PCBP3: variants seen among roughly 807,000 people sequenced by gnomAD.
PCBP3 encodes poly(rC) binding protein 3, also known as poly(rC)-binding protein 3.
PCBP3 carries 25 observed loss-of-function variants against 52.7 expected under a neutral mutation model. The observed-to-expected ratio is 0.47, with a 90% confidence interval of 0.35 to 0.66. PCBP3 has a LOEUF of 0.66. PCBP3 is among the 30% of genes least tolerant of loss of function. PCBP3 has a pLI of 0.01. For synonymous variants in PCBP3, 162 were observed against 183.0 expected (o/e 0.89, Z 0.93); for missense variants, 391 against 490.3 (o/e 0.80, Z 1.91).
At chr21:45,860,717 G>A (rs551677149) in intron 5 of PCBP3, among the ~76,000 whole-genome samples, 2 of 152,334 alleles carry the variant, frequency 1.3e-5, no homozygotes, top group Admixed American at 6.5e-5. Context: ...TGCAGACTGC[G>A]GGGGAGATGG....
intron 1 of PCBP3, among the ~76,000 whole-genome samples, chr21:45,662,900 A>G (rs1402706941): frequency 6.6e-6 from 1 of 152,056 alleles, no homozygotes; most frequent in Non-Finnish European, 1.5e-5. Context: ...CAGACTGGGA[A>G]AGGGAGTCTC....
intron 16 of PCBP3, among the ~76,000 whole-genome samples, chr21:45,939,255 C>T (rs142902421): frequency 4.6e-5 from 7 of 152,320 alleles, no homozygotes; most frequent in East Asian, 1.9e-4. Context: ...GAAGGGACTC[C>T]GTTCCATCCA....
At chr21:45,895,020 A>AGGTGTAGACAGCGTAAGCGCG (rs1333458531) in intron 5 of PCBP3, among the ~76,000 whole-genome samples, 2 of 152,244 alleles carry the variant, frequency 1.3e-5, no homozygotes, top group South Asian at 4.1e-4. Context: ...TTTTAAGCAC[A>AGGTGTAGACAGCGTAAGCGCG]GGTGTAGACA....
chr21:45,849,269 A>G (rs533570457), intron 4 of PCBP3, among the ~76,000 whole-genome samples: 4 of 147,944 alleles, frequency 2.7e-5, no homozygotes, highest in African/African-American at 7.5e-5. Context: ...GCAGTGGCGC[A>G]ATCTCAGCTC....
rs540951171 is a variant in PCBP3, at chr21:45,839,831, C to T, written c.-125-10130C>T. Among the ~76,000 whole-genome samples the T allele has an allele frequency of 1.4e-3, 216 of 152,042 alleles. 1 individual carries two copies. The highest frequency in any genetic ancestry group is 6.8e-3 in the Middle Eastern group (2 of 294). On this transcript the variant is annotated intron_variant, in intron 4 of 17. Transcript: ENST00000681687. ...CCTCCCGAGTAGCTGGGATTGCAGGCGCCCGCCACCACACCTGGCTAATTT... is the reference window on the plus strand; with the variant it reads ...CCTCCCGAGTAGCTGGGATTGCAGGTGCCCGCCACCACACCTGGCTAATTT...
chr21:45,834,439 G>A (rs1373038573), intron 4 of PCBP3, among the ~76,000 whole-genome samples: 3 of 152,232 alleles, frequency 2.0e-5, no homozygotes, highest in African/African-American at 7.2e-5. Flanking sequence ...ACTGTCTAGG[G>A]GTGGCGTCCC....
intron 4 of PCBP3, among the ~76,000 whole-genome samples, chr21:45,810,816 GACA>G (rs1188183622): frequency 3.9e-5 from 6 of 152,122 alleles, no homozygotes; most frequent in Non-Finnish European, 8.8e-5. Flanking sequence ...GAAGGTATTT[GACA>G]ACAACTTTCA....
At chr21:45,885,667 G>A (rs1308744250) in intron 5 of PCBP3, among the ~76,000 whole-genome samples, 1 of 152,024 alleles carries the variant, frequency 6.6e-6, no homozygotes, top group East Asian at 1.9e-4. Flanking sequence ...CTTTCACTCT[G>A]TTATGGTTCT....
chr21:45,672,044 T>C (rs2081204592), intron 2 of PCBP3, among the ~76,000 whole-genome samples: 1 of 152,152 alleles, frequency 6.6e-6, no homozygotes, highest in African/African-American at 2.4e-5. Context: ...TGTGATTGGA[T>C]CTTGAGGGCT....
intron 1 of PCBP3, among the ~76,000 whole-genome samples, chr21:45,657,514 T>C (rs2080095432): frequency 6.6e-6 from 1 of 152,214 alleles, no homozygotes; most frequent in South Asian, 2.1e-4. Context: ...TATATGTCTC[T>C]CTCTATGCCA....
chr21:45,778,430 C>T (rs2090408325), intron 4 of PCBP3, among the ~76,000 whole-genome samples: 1 of 152,192 alleles, frequency 6.6e-6, no homozygotes, highest in African/African-American at 2.4e-5. Flanking sequence ...CTGGTAATAG[C>T]AGCAGTGGAC....
chr21:45,892,878 A>C (rs2095712685), intron 5 of PCBP3, among the ~76,000 whole-genome samples: 1 of 151,844 alleles, frequency 6.6e-6, no homozygotes, highest in Non-Finnish European at 1.5e-5. Flanking sequence ...GACCCTCTCT[A>C]CTTCCATGGC....
chr21:45,697,172 A>G (rs1390950838), intron 2 of PCBP3, among the ~76,000 whole-genome samples: 2 of 152,266 alleles, frequency 1.3e-5, no homozygotes, highest in Non-Finnish European at 2.9e-5. Flanking sequence ...TATGTTGGCC[A>G]AATGATATCT....
rs2839008 is a variant in PCBP3, at chr21:45,821,969, C to A, written c.-125-27992C>A. Among the ~76,000 whole-genome samples, 131,681 of 152,198 alleles carry A rather than the reference C, an allele frequency of 0.87. 56,966 individuals carry two copies. Among genetic ancestry groups the A allele is most frequent in the South Asian group, 0.91 (4,409 of 4,824 alleles). ...TACCTTCTCTTTCCTGACAACTTAG[C>A]TATTTATCAGACCCCAAAATCATGA... is the stretch of plus-strand genomic sequence containing the variant. On this transcript the variant is annotated intron_variant, in intron 4 of 17. Coordinates refer to ENST00000681687, the MANE Select transcript of PCBP3 (RefSeq NM_001384156.1). This position sits in a 1 kb window ranked among gnomAD's most constrained non-coding sequence, Gnocchi z 4.4.
Position 45,887,096 on chromosome 21 carries a change from C to A in PCBP3, c.11-9112C>A, listed in dbSNP as rs186301408. Reference sequence around the variant, plus strand: ...TTCTTGTCTGTGCCTGTTGGCATTTCCGGCTTGCCAGCTTTTCCACTTCCA... The same window carrying A: ...TTCTTGTCTGTGCCTGTTGGCATTTACGGCTTGCCAGCTTTTCCACTTCCA... On this transcript the variant is annotated intron_variant, in intron 5 of 17. Coordinates refer to ENST00000681687, the MANE Select transcript of PCBP3 (RefSeq NM_001384156.1). 2.5e-3 allele frequency among the ~76,000 whole-genome samples: 375 copies of A among 152,308 alleles called. 2 individuals are homozygous for A. Among genetic ancestry groups the A allele is most frequent in the African/African-American group, 8.7e-3 (363 of 41,550 alleles).
intron 4 of PCBP3, among the ~76,000 whole-genome samples, chr21:45,799,756 G>T (rs956882796): frequency 2.6e-5 from 4 of 152,186 alleles, no homozygotes; most frequent in Admixed American, 6.5e-5. Context: ...TGGGGTGCTG[G>T]GAACTGGGCT....
At chr21:45,680,452 A>T (rs548365821) in intron 2 of PCBP3, among the ~76,000 whole-genome samples, 1 of 152,298 alleles carries the variant, frequency 6.6e-6, no homozygotes, top group South Asian at 2.1e-4. Context: ...TTTACACCTA[A>T]GTGTGTGTTT....
chr21:45,644,107 C>A (rs993025451), intron 1 of PCBP3, among the ~76,000 whole-genome samples: 4 of 151,086 alleles, frequency 2.6e-5, no homozygotes, highest in Non-Finnish European at 5.9e-5. Context: ...AGGCCTGGCC[C>A]GCCCGCCTCC....
intron 4 of PCBP3, among the ~76,000 whole-genome samples, chr21:45,774,403 G>GA (rs1243900973): frequency 2.0e-5 from 3 of 148,768 alleles, no homozygotes; most frequent in Middle Eastern, 3.5e-3. Flanking sequence ...AAAAAAAAAA[G>GA]AAAAAAAAGT....
Sources: gnomAD v4.1 joint callset for allele counts (sites outside exome capture counted in the v4.1 genomes callset) on GRCh38, gnomAD v4.1.1 for gene constraint, Gnocchi (gnomAD v3.1) non-coding constraint, MANE v1.5 for transcripts, NCBI Gene and HGNC (gene_info 2026-07-23, HGNC 2026-07-21) for gene names.